SPSB4: variants seen among roughly 807,000 people sequenced by gnomAD.
SPSB4 encodes SPRY domain-containing SOCS box protein 4.
A neutral mutation model predicts 20.9 loss-of-function variants in SPSB4; 21 were observed. That is an observed-to-expected ratio of 1.01 (90% CI 0.71 to 1.45). The LOEUF is 1.45. Ranked by LOEUF, SPSB4 falls within the 40% of genes most tolerant of loss-of-function variation. The pLI is 0.00. For synonymous variants in SPSB4, 207 were observed against 183.8 expected (o/e 1.13, Z -1.02); for missense variants, 399 against 399.2 (o/e 1.00, Z 0.00).
At chr3:141,094,130 C>T (rs1367870409) in intron 2 of SPSB4, among the ~76,000 whole-genome samples, 1 of 152,180 alleles carries the variant, frequency 6.6e-6, no homozygotes, top group East Asian at 1.9e-4. Flanking sequence ...TGCCTGAGGT[C>T]GGCTGGGGCT....
chr3:141,140,798 G>A (rs1317652514), intron 2 of SPSB4, among the ~76,000 whole-genome samples: 1 of 151,234 alleles, frequency 6.6e-6, no homozygotes, highest in African/African-American at 2.4e-5. Context: ...TGAGGAGGCA[G>A]TCTGCCCGTT....
chr3:141,105,637 G>A (rs1044691448), intron 2 of SPSB4, among the ~76,000 whole-genome samples: 5 of 152,122 alleles, frequency 3.3e-5, no homozygotes, highest in South Asian at 4.2e-4. Context: ...GCTAATACAC[G>A]GCAGAGTTGA....
Position 141,066,171 on chromosome 3 carries a change from A to C in SPSB4, c.67A>C (p.Lys23Gln), listed in dbSNP as rs1937866357. 2.0e-6 allele frequency: 3 copies of C among 1,532,926 alleles called. No homozygotes were observed. Among genetic ancestry groups the C allele is most frequent in the Non-Finnish European group, 2.6e-6 (3 of 1,141,882 alleles). The allele number at this position is 1,532,926 out of a possible 1,614,324, so 95.0% of individuals were successfully genotyped here. ...EVREPALRPA[K>Q]RELRGAEPGR... ...GCGAGAGCCGGCGCTGCGGCCGGCC[A>C]AGCGGGAGCTGCGGGGTGCAGAGCC... Residue 23 changes from lysine to glutamine, a missense_variant, in exon 2 of 3, where the codon AAG becomes CAG. Coordinates refer to ENST00000310546, the MANE Select transcript of SPSB4 (RefSeq NM_080862.3).
At position 141,139,696 on chromosome 3, in the gene SPSB4, G is replaced by C. The variant is rs771350256; in HGVS notation, c.695-7446G>C. On this transcript the variant is annotated intron_variant, in intron 2 of 2. Transcript: ENST00000310546. ...TCTTCTGGCTTGTGGAGTTTCTGCCGAGAGATCAGCTGTTAGTCTGATGGG... is the reference window on the plus strand; with the variant it reads ...TCTTCTGGCTTGTGGAGTTTCTGCCCAGAGATCAGCTGTTAGTCTGATGGG... Among the ~76,000 whole-genome samples, 3 of 152,318 alleles carry C rather than the reference G, an allele frequency of 2.0e-5. No individual in the cohort carries two copies. The East Asian group carries it at 5.8e-4, about 29-fold the overall frequency.
At chr3:141,111,320 C>G (rs1292176002) in intron 2 of SPSB4, among the ~76,000 whole-genome samples, 1 of 138,464 alleles carries the variant, frequency 7.2e-6, no homozygotes, top group African/African-American at 2.7e-5. Flanking sequence ...CCATACATAG[C>G]ATATGCAACC....
intron 2 of SPSB4, among the ~76,000 whole-genome samples, chr3:141,138,775 T>G (rs957873578): frequency 6.6e-6 from 1 of 152,228 alleles, no homozygotes; most frequent in Admixed American, 6.5e-5. Flanking sequence ...AATTTTGGAA[T>G]AGGTGTGGTG....
intron 2 of SPSB4, among the ~76,000 whole-genome samples, chr3:141,139,057 T>C (rs1939277216): frequency 6.6e-6 from 1 of 152,210 alleles, no homozygotes; most frequent in South Asian, 2.1e-4. Flanking sequence ...AGTTAGTTCT[T>C]CTTGTTGGAT....
intron 2 of SPSB4, among the ~76,000 whole-genome samples, chr3:141,140,372 G>A (rs1158036153): frequency 2.0e-5 from 3 of 152,136 alleles, no homozygotes; most frequent in Non-Finnish European, 2.9e-5. Context: ...TTCCGTTGCT[G>A]GTGAGGAGCT....
At chr3:141,088,573 G>C (rs1938393521) in intron 2 of SPSB4, among the ~76,000 whole-genome samples, 1 of 152,196 alleles carries the variant, frequency 6.6e-6, no homozygotes. Flanking sequence ...CCGGATGCAG[G>C]CAGCACCGGG....
At position 141,135,740 on chromosome 3, in the gene SPSB4, C is replaced by A. The variant is rs1248271945; in HGVS notation, c.695-11402C>A. ...GCCATATTTTCTTAATCCAGTCTAT[C>A]ATTGTTGGACATTTGGGTTGGTTCC... On this transcript the variant is annotated intron_variant, in intron 2 of 2. Coordinates refer to ENST00000310546, the MANE Select transcript of SPSB4 (RefSeq NM_080862.3). 9.2e-5 allele frequency among the ~76,000 whole-genome samples: 14 copies of A among 152,182 alleles called. No individual in the cohort carries two copies. In the East Asian group the frequency reaches 2.7e-3, roughly 29 times the overall value.
chr3:141,120,651 TTTACCA>T (rs1938952237), intron 2 of SPSB4, among the ~76,000 whole-genome samples: 1 of 152,262 alleles, frequency 6.6e-6, no homozygotes, highest in Non-Finnish European at 1.5e-5. Context: ...AATCGATCCC[TTTACCA>T]TTATGTAATG....
chr3:141,134,349 T>C (rs1005987090), intron 2 of SPSB4, among the ~76,000 whole-genome samples: 4 of 152,120 alleles, frequency 2.6e-5, no homozygotes, highest in Admixed American at 6.6e-5. Context: ...TTCCAGCATA[T>C]ACTGTTGAAT....
At chr3:141,130,939 A>G (rs1245327630) in intron 2 of SPSB4, among the ~76,000 whole-genome samples, 1 of 152,234 alleles carries the variant, frequency 6.6e-6, no homozygotes. Flanking sequence ...CCAGACATCC[A>G]TCCCTGGCTC....
rs542593085 is a variant in SPSB4 at position 141,135,995 on chromosome 3, C to T, written c.695-11147C>T. ...GTGTTCCTATTTCTCCACATCCTCTCCAGCACCTGTTGTTTCCTGACTTTT... is the reference window on the plus strand; with the variant it reads ...GTGTTCCTATTTCTCCACATCCTCTTCAGCACCTGTTGTTTCCTGACTTTT... On this transcript the variant is annotated intron_variant, in intron 2 of 2. Transcript: ENST00000310546. Among the ~76,000 whole-genome samples the T allele has an allele frequency of 5.6e-4, 85 of 152,226 alleles. No individual in the cohort carries two copies. The East Asian group carries it at 0.015, about 27-fold the overall frequency.
chr3:141,074,516 C>G (rs1938066231), intron 2 of SPSB4, among the ~76,000 whole-genome samples: 1 of 152,186 alleles, frequency 6.6e-6, no homozygotes, highest in Admixed American at 6.5e-5. Flanking sequence ...ACTCGTTTCT[C>G]TCTAAGATAC....
At chr3:141,144,732 G>C (rs1409093323) in intron 2 of SPSB4, among the ~76,000 whole-genome samples, 1 of 152,210 alleles carries the variant, frequency 6.6e-6, no homozygotes, top group Non-Finnish European at 1.5e-5. Flanking sequence ...TGACTGCAGA[G>C]AGATGAAGAT....
Position 141,066,536 on chromosome 3 carries a change from G to A in SPSB4, c.432G>A (p.Leu144=). Residue 144 remains leucine (L), a synonymous_variant, in exon 2 of 3, where the codon CTG becomes CTA. Transcript: ENST00000310546. ...GSDAESWGWD[L]GRSRLYHDGK... The stretch of plus-strand genomic sequence containing the variant: ...ACGCCGAGTCGTGGGGCTGGGACCT[G>A]GGCCGCAGCCGCCTCTACCACGACG... 6.6e-7 allele frequency: 1 copy of A among 1,516,206 alleles called. No individual in the cohort carries two copies. The highest frequency in any genetic ancestry group is 1.4e-5 in the African/African-American group (1 of 73,062). 93.9% of individuals were successfully genotyped at this position (1,516,206 alleles called of 1,614,324 possible). A position where few individuals can be genotyped will look rare whatever the true frequency, so the allele number is the denominator to read the frequency against.
intron 1 of SPSB4, among the ~76,000 whole-genome samples, chr3:141,060,143 T>C (rs1458930384): frequency 6.6e-6 from 1 of 152,190 alleles, no homozygotes; most frequent in Non-Finnish European, 1.5e-5. Flanking sequence ...CTGCCTCTAG[T>C]AGGGACAGAG....
chr3:141,083,034 G>A (rs1333499391), intron 2 of SPSB4, among the ~76,000 whole-genome samples: 1 of 151,400 alleles, frequency 6.6e-6, no homozygotes, highest in Non-Finnish European at 1.5e-5. Context: ...CCCAGACCAT[G>A]ATGAGCTGCA....
Sources: gnomAD v4.1 joint callset for allele counts (sites outside exome capture counted in the v4.1 genomes callset) on GRCh38, gnomAD v4.1.1 for gene constraint, MANE v1.5 for transcripts, NCBI Gene and HGNC (gene_info 2026-07-23, HGNC 2026-07-21) for gene names.